RAB28: variants seen among roughly 807,000 people sequenced by gnomAD.
The protein encoded by RAB28 is RAB28, member RAS oncogene family, also known as ras-related protein Rab-28.
In RAB28, 24 loss-of-function variants were observed where a neutral mutation model predicts 31.7. That is an observed-to-expected ratio of 0.76 (90% CI 0.55 to 1.06). The LOEUF (loss-of-function observed/expected upper bound fraction) is 1.06. Ranked by LOEUF, RAB28 falls within the 50% of genes least tolerant of loss-of-function variation. RAB28 has a pLI of 0.00. For missense variants in RAB28, 254 were observed against 258.5 expected (o/e 0.98, Z 0.12); for synonymous variants, 100 against 90.4 (o/e 1.11, Z -0.60).
intron 1 of RAB28, among the ~76,000 whole-genome samples, chr4:13,483,157 C>T (rs1308427830): frequency 6.6e-6 from 1 of 152,164 alleles, no homozygotes; most frequent in East Asian, 1.9e-4. Flanking sequence ...ATAGACCCCT[C>T]TGAGATCTTA....
chr4:13,456,733 A>G (rs7677450), intron 4 of RAB28, among the ~76,000 whole-genome samples: 2,427 of 147,994 alleles, frequency 0.016, 96 homozygotes, highest in African/African-American at 0.061. Flanking sequence ...ATAACTGTAC[A>G]TTTTTAAGAA....
At chr4:13,395,411 G>A (rs560576013) in intron 4 of RAB28, among the ~76,000 whole-genome samples, 2 of 152,056 alleles carry the variant, frequency 1.3e-5, no homozygotes, top group East Asian at 3.9e-4. Context: ...TCCATGATTA[G>A]CCCAAACATA....
chr4:13,390,682 A>G (rs899911403), intron 4 of RAB28, among the ~76,000 whole-genome samples: 2 of 152,106 alleles, frequency 1.3e-5, no homozygotes, highest in South Asian at 2.1e-4. Context: ...AACCAAAACA[A>G]CATGGTACTA....
Position 13,465,819 on chromosome 4 carries a change from A to G in RAB28, c.262-4991T>C, listed in dbSNP as rs149033786. The stretch of plus-strand genomic sequence containing the variant: ...CAGGCATCATACTACTTGATTTGAA[A>G]CTATACTACAAAGCTATAGTAATTA... On this transcript the variant is annotated intron_variant, in intron 3 of 6. Coordinates refer to ENST00000330852, the MANE Select transcript of RAB28 (RefSeq NM_001017979.3). Among the ~76,000 whole-genome samples the G allele has an allele frequency of 4.5e-3, 683 of 151,450 alleles. 5 individuals carry two copies. The highest frequency in any genetic ancestry group is 0.016 in the African/African-American group (650 of 41,264).
intron 4 of RAB28, among the ~76,000 whole-genome samples, chr4:13,431,425 T>G (rs1713799815): frequency 6.6e-6 from 1 of 152,056 alleles, no homozygotes. Flanking sequence ...CCCATCAGGG[T>G]GGGCACATCC....
At chr4:13,386,994 C>G (rs1212834519) in intron 4 of RAB28, among the ~76,000 whole-genome samples, 1 of 151,940 alleles carries the variant, frequency 6.6e-6, no homozygotes, top group Non-Finnish European at 1.5e-5. Flanking sequence ...AATGCAAGAA[C>G]AGAAAATCAA....
At chr4:13,479,945 T>G (rs889380847) in intron 1 of RAB28, among the ~76,000 whole-genome samples, 7 of 151,712 alleles carry the variant, frequency 4.6e-5, no homozygotes, top group East Asian at 3.9e-4. Context: ...AAGCTAATAA[T>G]AAGAAGCATT....
intron 1 of RAB28, among the ~76,000 whole-genome samples, chr4:13,483,503 T>G (rs767895335): frequency 1.3e-5 from 2 of 152,210 alleles, no homozygotes; most frequent in Non-Finnish European, 2.9e-5. Context: ...TTATGTGTAT[T>G]TTCACATTTA....
rs143182805 is a variant in RAB28 at position 13,439,673 on chromosome 4, T to C, written c.391+21026A>G. 5.9e-5 allele frequency among the ~76,000 whole-genome samples: 9 copies of C among 152,324 alleles called. No individual in the cohort carries two copies. In the East Asian group the frequency reaches 1.7e-3, roughly 29 times the overall value. On this transcript the variant is annotated intron_variant, in intron 4 of 6. Transcript: ENST00000330852. The stretch of plus-strand genomic sequence containing the variant: ...ATGTTAACTTATACCTATGTTTTCG[T>C]CTAAGATTTTTATGGTGTTAGCTCT...
intron 6 of RAB28, chr4:13,370,288 T>C: frequency 6.2e-6 from 6 of 962,642 alleles, no homozygotes; most frequent in Non-Finnish European, 7.4e-6. Flanking sequence ...ATATATAACA[T>C]ATATAATGCC....
At chr4:13,457,284 C>T (rs980241662) in intron 4 of RAB28, among the ~76,000 whole-genome samples, 4 of 151,978 alleles carry the variant, frequency 2.6e-5, no homozygotes, top group Non-Finnish European at 5.9e-5. Flanking sequence ...ATATCCCTCC[C>T]AAAAGAAAAT....
chr4:13,398,190 T>G (rs1711539072), intron 4 of RAB28, among the ~76,000 whole-genome samples: 1 of 152,188 alleles, frequency 6.6e-6, no homozygotes, highest in Admixed American at 6.5e-5. Context: ...CAACTTTTGT[T>G]GCTTGTAAAA....
chr4:13,406,069 G>A (rs1712063021), intron 4 of RAB28, among the ~76,000 whole-genome samples: 1 of 152,044 alleles, frequency 6.6e-6, no homozygotes, highest in Non-Finnish European at 1.5e-5. Context: ...TGTTACACAG[G>A]TATACATGTG....
chr4:13,464,937 A>G (rs1185773870), intron 3 of RAB28, among the ~76,000 whole-genome samples: 2 of 152,048 alleles, frequency 1.3e-5, no homozygotes, highest in African/African-American at 4.8e-5. Flanking sequence ...ACAACATGCA[A>G]GCACAGATAG....
At chr4:13,443,201 G>A (rs1372679428) in intron 4 of RAB28, among the ~76,000 whole-genome samples, 2 of 151,024 alleles carry the variant, frequency 1.3e-5, no homozygotes, top group Non-Finnish European at 2.9e-5. Flanking sequence ...TTGAGACGGA[G>A]TCTCCTTCTA....
At chr4:13,419,999 T>C (rs987288296) in intron 4 of RAB28, among the ~76,000 whole-genome samples, 2 of 150,438 alleles carry the variant, frequency 1.3e-5, no homozygotes, top group African/African-American at 2.4e-5. Flanking sequence ...ACAAAATTGA[T>C]AGACCGTTAG....
At chr4:13,386,642 G>A (rs527610036) in intron 4 of RAB28, among the ~76,000 whole-genome samples, 1 of 152,294 alleles carries the variant, frequency 6.6e-6, no homozygotes, top group East Asian at 1.9e-4. Context: ...CTTACATACT[G>A]TTGGTGGAAG....
At chr4:13,437,873 T>C (rs560519968) in intron 4 of RAB28, among the ~76,000 whole-genome samples, 1 of 152,096 alleles carries the variant, frequency 6.6e-6, no homozygotes, top group Non-Finnish European at 1.5e-5. Context: ...AAATAATTCA[T>C]CCATAAAAGA....
intron 4 of RAB28, among the ~76,000 whole-genome samples, chr4:13,402,619 A>G (rs2108901723): frequency 1.3e-5 from 2 of 152,176 alleles, no homozygotes; most frequent in East Asian, 3.9e-4. Context: ...CTGTATCTTC[A>G]TATTTAAAGT....
Sources: gnomAD v4.1 joint callset for allele counts (sites outside exome capture counted in the v4.1 genomes callset) on GRCh38, gnomAD v4.1.1 for gene constraint, MANE v1.5 for transcripts, NCBI Gene and HGNC (gene_info 2026-07-23, HGNC 2026-07-21) for gene names.